ACACA: variants seen among roughly 807,000 people sequenced by gnomAD.
The protein encoded by ACACA is acetyl-CoA carboxylase alpha, also known as acetyl-CoA carboxylase 1.
In ACACA, 103 loss-of-function variants were observed where a neutral mutation model predicts 296.1. The observed-to-expected ratio is 0.35, with a 90% CI of 0.30 to 0.41. ACACA has a LOEUF of 0.41. ACACA is among the 10% of genes least tolerant of loss of function. The pLI, the probability that ACACA is intolerant of heterozygous loss-of-function variation, is 1.00. For synonymous variants in ACACA, 953 were observed against 1,038.6 expected (o/e 0.92, Z 1.58); for missense variants, 1,554 against 2,989.7 (o/e 0.52, Z 11.20).
rs1437595349 is a variant in ACACA at position 37,390,251 on chromosome 17, T to TATATA, written c.38+16010_38+16011insTATAT. The stretch of plus-strand genomic sequence containing the variant: ...AATTATATATAATATATTATATATA[T>TATATA]ATTATATATAATTATATATAATATA... On this transcript the variant is annotated intron_variant, in intron 1 of 55. Coordinates refer to ENST00000616317, the MANE Select transcript of ACACA (RefSeq NM_198834.3). Among the ~76,000 whole-genome samples, 57 of 32,950 alleles carry TATATA rather than the reference T, an allele frequency of 1.7e-3. 1 individual carries two copies. Among genetic ancestry groups the TATATA allele is most frequent in the African/African-American group, 0.013 (51 of 3,994 alleles). 21.6% of individuals were successfully genotyped at this position (32,950 alleles called of 152,430 possible).
At chr17:37,391,600 T>C (rs2050888631) in intron 1 of ACACA, 2 of 1,551,682 alleles carry the variant, frequency 1.3e-6, no homozygotes, top group Non-Finnish European at 1.8e-6. Flanking sequence ...TGAAGAACTA[T>C]ACACTTGCAT....
intron 45 of ACACA, chr17:37,143,712 C>G: frequency 1.1e-6 from 1 of 901,434 alleles, no homozygotes; most frequent in Non-Finnish European, 1.8e-6. Flanking sequence ...TCATCTTCCT[C>G]CTCCTCATCC....
chr17:37,382,192 T>C (rs927855063), intron 1 of ACACA, among the ~76,000 whole-genome samples: 3 of 152,138 alleles, frequency 2.0e-5, no homozygotes, highest in African/African-American at 7.2e-5. Context: ...GGCTGATAGT[T>C]ACTGCTAAAT....
At chr17:37,259,560 T>C (rs2081353126) in intron 11 of ACACA, 30 bp from the exon 12 acceptor site, 1 of 1,612,972 alleles carries the variant, frequency 6.2e-7, no homozygotes, top group Non-Finnish European at 8.5e-7. Context: ...CAAACATAAG[T>C]ATCTCACCTT....
At chr17:37,395,908 G>T (rs2051065881) in intron 1 of ACACA, among the ~76,000 whole-genome samples, 3 of 152,200 alleles carry the variant, frequency 2.0e-5, no homozygotes, top group Non-Finnish European at 4.4e-5. Context: ...AATTAAGATA[G>T]GTAGTTGCTT....
intron 1 of ACACA, among the ~76,000 whole-genome samples, chr17:37,372,630 G>GA (rs1219342165): frequency 6.6e-6 from 1 of 152,040 alleles, no homozygotes; most frequent in African/African-American, 2.4e-5. Context: ...GACCCATCCT[G>GA]ATTCATCCAT....
intron 45 of ACACA, among the ~76,000 whole-genome samples, chr17:37,134,905 G>A (rs2143616075): frequency 6.6e-6 from 1 of 152,234 alleles, no homozygotes; most frequent in Non-Finnish European, 1.5e-5. Context: ...TATTGATAAA[G>A]GTTGGCTAAA....
At chr17:37,133,528 C>T (rs943091991) in intron 45 of ACACA, among the ~76,000 whole-genome samples, 21 of 152,174 alleles carry the variant, frequency 1.4e-4, no homozygotes, top group Non-Finnish European at 2.6e-4. Context: ...TCTAGGAAGA[C>T]GAATGGAGTC....
chr17:37,287,767 AAAC>A (rs1482586161), intron 3 of ACACA, among the ~76,000 whole-genome samples: 2 of 151,616 alleles, frequency 1.3e-5, no homozygotes, highest in Non-Finnish European at 2.9e-5. Context: ...AAAAAAAAAA[AAAC>A]AAGAAGGGAC....
chr17:37,381,626 C>CT (rs550853752), intron 1 of ACACA, among the ~76,000 whole-genome samples: 5,859 of 125,846 alleles, frequency 0.047, 360 homozygotes, highest in Admixed American at 0.11. Context: ...CTTCCATAGT[C>CT]TTTTTTTTTT....
At chr17:37,363,959 C>T (rs1203996782) in intron 1 of ACACA, among the ~76,000 whole-genome samples, 2 of 151,514 alleles carry the variant, frequency 1.3e-5, no homozygotes, top group African/African-American at 4.9e-5. Context: ...CCTGTCTGTA[C>T]TAAAAATACA....
intron 29 of ACACA, among the ~76,000 whole-genome samples, chr17:37,210,962 C>T (rs1218616877): frequency 1.3e-5 from 2 of 152,058 alleles, no homozygotes; most frequent in Non-Finnish European, 2.9e-5. Flanking sequence ...GCTCCTCCTA[C>T]TTTAATCGCT....
At chr17:37,119,671 G>C (rs560227102) in intron 50 of ACACA, among the ~76,000 whole-genome samples, 2 of 150,174 alleles carry the variant, frequency 1.3e-5, no homozygotes, top group South Asian at 4.2e-4. Context: ...TTGCCAAGGA[G>C]GCCTGGCCAT....
At chr17:37,339,949 G>A in intron 1 of ACACA, 99 bp from the exon 2 acceptor site, 3 of 648,828 alleles carry the variant, frequency 4.6e-6, no homozygotes, top group South Asian at 1.9e-5. Flanking sequence ...AATAATATAT[G>A]AAGTATCTAT....
intron 11 of ACACA, among the ~76,000 whole-genome samples, chr17:37,259,794 C>A (rs2081364404): frequency 6.6e-6 from 1 of 152,036 alleles, no homozygotes; most frequent in African/African-American, 2.4e-5. Context: ...GACAAAAAAA[C>A]ATGGGGACAG....
At chr17:37,299,223 C>A in intron 3 of ACACA, 1 of 1,547,778 alleles carries the variant, frequency 6.5e-7, no homozygotes, top group Non-Finnish European at 8.9e-7. Flanking sequence ...GCTGTCAGTA[C>A]CTTACTGTTT....
At chr17:37,161,717 A>T (rs1299908484) in intron 42 of ACACA, 64 bp downstream of exon 42, 4 of 1,578,522 alleles carry the variant, frequency 2.5e-6, no homozygotes, top group Non-Finnish European at 3.4e-6. Context: ...CCCTTCCCCC[A>T]CCTCTCCACA....
chr17:37,306,383 CTT>C (rs985285481), intron 3 of ACACA, among the ~76,000 whole-genome samples: 6 of 152,056 alleles, frequency 3.9e-5, no homozygotes, highest in Non-Finnish European at 7.4e-5. Context: ...GTTTTATTTA[CTT>C]TTTAATGACC....
chr17:37,370,886 A>C (rs919187574), intron 1 of ACACA, among the ~76,000 whole-genome samples: 14 of 151,130 alleles, frequency 9.3e-5, no homozygotes, highest in Non-Finnish European at 1.8e-4. Context: ...TGGAAGGCTG[A>C]GGCAGGAGAA....
Sources: allele counts gnomAD v4.1 joint callset (sites outside exome capture counted in the v4.1 genomes callset), GRCh38; gene constraint gnomAD v4.1.1; transcripts MANE v1.5; gene names NCBI Gene and HGNC (gene_info 2026-07-23, HGNC 2026-07-21).